Variants in RICTOR observed in about 807,000 individuals in gnomAD.
RICTOR encodes the protein RPTOR independent companion of MTOR complex 2.
In RICTOR, 49 loss-of-function variants were observed where a neutral mutation model predicts 214.9. The observed-to-expected ratio is 0.23, with a 90% CI of 0.18 to 0.29. The LOEUF is 0.29. Ranked by LOEUF, RICTOR falls within the 10% of genes least tolerant of loss-of-function variation. The pLI is 1.00. For missense variants in RICTOR, 1,625 were observed against 2,047.0 expected, an observed-to-expected ratio of 0.79 and a Z score of 3.98; for synonymous variants, 717 against 711.3, an observed-to-expected ratio of 1.01 and a Z score of -0.13.
At chr5:39,056,371 T>G (rs899300661) in intron 2 of RICTOR, among the ~76,000 whole-genome samples, 1 of 152,126 alleles carries the variant, frequency 6.6e-6, no homozygotes, top group Non-Finnish European at 1.5e-5. Flanking sequence ...CAGTGGCTCA[T>G]ACCTACAATC....
chr5:39,069,906 G>A (rs1331213199), intron 2 of RICTOR, among the ~76,000 whole-genome samples: 1 of 152,146 alleles, frequency 6.6e-6, no homozygotes, highest in Non-Finnish European at 1.5e-5. Flanking sequence ...CCACCAGACA[G>A]TTAATCATTC....
Position 38,941,654 on chromosome 5 carries a change from T to C in RICTOR, c.*650A>G, listed in dbSNP as rs552002604. On this transcript the variant is annotated 3_prime_UTR_variant, in exon 38 of 38. Transcript: ENST00000357387. ...TAACACATTGCAACAAAATGAAGAG[T>C]TGGAAAACAAGAATCTTTATGCAAG... 1.0e-4 allele frequency: 24 copies of C among 232,382 alleles called. No individual in the cohort carries two copies. Among genetic ancestry groups the C allele is most frequent in the African/African-American group, 4.8e-4 (22 of 45,382 alleles). 14.4% of individuals were successfully genotyped at this position (232,382 alleles called of 1,614,324 possible).
chr5:38,946,516 G>C lies in RICTOR; in HGVS notation c.4351C>G (p.Pro1451Ala). 6.2e-7 allele frequency: 1 copy of C among 1,611,188 alleles called. No homozygotes were observed. Among genetic ancestry groups the C allele is most frequent in the South Asian group, 1.1e-5 (1 of 91,012 alleles). Residue 1451 changes from proline to alanine, a missense_variant, in exon 33 of 38, where the codon CCA (proline) becomes GCA (alanine). This residue lies in a region of RICTOR where 1,214 missense variants were observed against 1,470.5 expected (regional missense o/e 0.83). Coordinates refer to ENST00000357387, the MANE Select transcript of RICTOR (RefSeq NM_152756.5). The part of the protein sequence containing the change: ...DIPYFQTKNI[P>A]PHDDRGARAF... Reference sequence around the variant, plus strand: ...CTTGCACCTCGATCATCATGTGGTGGTATGTTTTTTGTCTGAAAATAGGGA... The same window carrying C: ...CTTGCACCTCGATCATCATGTGGTGCTATGTTTTTTGTCTGAAAATAGGGA...
Position 38,950,697 on chromosome 5 carries a change from G to A in RICTOR, c.3151C>T (p.Arg1051Trp), listed in dbSNP as rs773279594. ...PSSMFILEDD[R>W]FGSSSTSTFF... ...GTGCTAGTAGAGCTGCTGCCAAACC[G>A]GTCATCCTCCAATATGAACATACCT... The change falls in exon 31 of 38, where the codon CGG becomes TGG. Residue 1051 changes from arginine to tryptophan, a missense_variant. Transcript: ENST00000357387. 7 of 1,598,702 alleles carry A rather than the reference G, an allele frequency of 4.4e-6. No homozygotes were observed. The highest frequency in any genetic ancestry group is 1.7e-5 in the Admixed American group (1 of 57,496).
chr5:38,944,746 G>C (rs1579859175), intron 35 of RICTOR, among the ~76,000 whole-genome samples, 167 bp downstream of exon 35: 1 of 152,318 alleles, frequency 6.6e-6, no homozygotes, highest in East Asian at 1.9e-4. Context: ...CTCTATGTCA[G>C]TGGGTGATAT....
chr5:39,010,184 G>A (rs1172920980), intron 3 of RICTOR, among the ~76,000 whole-genome samples: 1 of 152,092 alleles, frequency 6.6e-6, no homozygotes, highest in South Asian at 2.1e-4. Context: ...GAGTTCTCAC[G>A]AGATCTGATG....
In RICTOR at chr5:38,959,207, A is replaced by C. The variant is rs772514282; in HGVS notation, c.2166T>G (p.Thr722=). The C allele has an allele frequency of 1.3e-5, 21 of 1,592,530 alleles. No homozygotes were observed. The highest frequency in any genetic ancestry group is 2.3e-5 in the South Asian group (2 of 85,984). ...ATGTTATACTCACATCAGTAGCTGC[A>C]GTTAAAATTTTGGAAAGGATGACTC... ...LARVILSKIL[T]AATDACRLYA... The change falls in exon 22 of 38, where the codon ACT becomes ACG. Residue 722 remains threonine (T), a synonymous_variant. Transcript: ENST00000357387.
At chr5:39,012,988 GTT>G (rs988385720) in intron 3 of RICTOR, among the ~76,000 whole-genome samples, 70 of 152,258 alleles carry the variant, frequency 4.6e-4, no homozygotes, top group African/African-American at 1.6e-3. Flanking sequence ...CATGGAAAGT[GTT>G]TATCTGAGAA....
At chr5:38,991,202 T>C in intron 6 of RICTOR, 127 bp from the exon 7 acceptor site, 1 of 486,472 alleles carries the variant, frequency 2.1e-6, no homozygotes, top group East Asian at 3.5e-5. Context: ...AATTTTAATC[T>C]TTTGCTTATG....
intron 1 of RICTOR, 66 bp from the exon 2 acceptor site, chr5:39,074,224 T>G: frequency 1.3e-6 from 2 of 1,575,384 alleles, no homozygotes; most frequent in Non-Finnish European, 1.7e-6. Context: ...CTGCCCTGGC[T>G]CCGGCCAGCG....
At chr5:39,034,004 T>C (rs1756467716) in intron 2 of RICTOR, among the ~76,000 whole-genome samples, 1 of 152,230 alleles carries the variant, frequency 6.6e-6, no homozygotes, top group Non-Finnish European at 1.5e-5. Flanking sequence ...TGCCTTTCTT[T>C]AATTCCAAAC....
At chr5:39,047,874 CTG>C (rs2150181604) in intron 2 of RICTOR, among the ~76,000 whole-genome samples, 1 of 152,272 alleles carries the variant, frequency 6.6e-6, no homozygotes, top group Non-Finnish European at 1.5e-5. Flanking sequence ...GTTATTGAAA[CTG>C]TTACTTTTTC....
At chr5:38,957,777 CG>C in intron 24 of RICTOR, 47 bp from the exon 25 acceptor site, 1 of 1,030,434 alleles carries the variant, frequency 9.7e-7, no homozygotes, top group Non-Finnish European at 1.5e-6. Context: ...CTGGCAAAAA[CG>C]TATCTTAAGA....
At chr5:39,073,699 T>C (rs1253912554) in intron 2 of RICTOR, among the ~76,000 whole-genome samples, 5 of 152,106 alleles carry the variant, frequency 3.3e-5, no homozygotes, top group East Asian at 1.9e-4. Flanking sequence ...GGGCAGGATG[T>C]GGTCGCTCTT....
At chr5:38,974,113 G>A (rs991532701) in intron 10 of RICTOR, among the ~76,000 whole-genome samples, 6 of 151,414 alleles carry the variant, frequency 4.0e-5, no homozygotes, top group Admixed American at 6.6e-5. Context: ...GTAGTGGTGC[G>A]ATCTTGGCTC....
intron 2 of RICTOR, among the ~76,000 whole-genome samples, chr5:39,041,114 A>G (rs1327476650): frequency 6.6e-6 from 1 of 152,232 alleles, no homozygotes; most frequent in East Asian, 1.9e-4. Flanking sequence ...ACAGTGGTTA[A>G]AAGAAATACT....
chr5:38,960,659 G>T, intron 19 of RICTOR, 126 bp from the exon 20 acceptor site: 1 of 912,170 alleles, frequency 1.1e-6, no homozygotes, highest in Non-Finnish European at 1.7e-6. Flanking sequence ...GGGATAAATG[G>T]CAAGAAATGT....
intron 11 of RICTOR, among the ~76,000 whole-genome samples, chr5:38,969,226 C>G (rs1346180076): frequency 1.3e-5 from 2 of 151,816 alleles, no homozygotes; most frequent in Non-Finnish European, 2.9e-5. Flanking sequence ...CCCGCCTTGG[C>G]CTCCCAAAGT....
chr5:39,038,155 C>T (rs1449920772), intron 2 of RICTOR, among the ~76,000 whole-genome samples: 2 of 152,144 alleles, frequency 1.3e-5, no homozygotes, highest in Admixed American at 1.3e-4. Context: ...GGATGCAAGG[C>T]TGGTTCAACA....
Sources: gnomAD v4.1 joint callset for allele counts (sites outside exome capture counted in the v4.1 genomes callset) on GRCh38, gnomAD v4.1.1 for gene constraint, gnomAD v4.1.1 regional missense constraint, MANE v1.5 for transcripts, NCBI Gene and HGNC (gene_info 2026-07-23, HGNC 2026-07-21) for gene names.